Variants in FMNL2 observed in about 807,000 individuals in gnomAD.
FMNL2 encodes formin like 2.
FMNL2 carries 51 observed loss-of-function variants against 130.2 expected under a neutral mutation model. That is an observed-to-expected ratio of 0.39 (90% CI 0.31 to 0.49). The LOEUF (loss-of-function observed/expected upper bound fraction) is 0.49, where lower values mean the gene tolerates loss of function less well. Among genes scored for constraint, FMNL2 ranks in the 20% least tolerant of loss-of-function variants. The pLI is 0.85. For synonymous variants in FMNL2, 465 were observed against 467.1 expected (o/e 1.00, Z 0.06); for missense variants, 977 against 1,316.2 (o/e 0.74, Z 3.99).
chr2:152,370,489 C>T (rs1683814804), intron 1 of FMNL2, among the ~76,000 whole-genome samples: 2 of 152,124 alleles, frequency 1.3e-5, no homozygotes, highest in South Asian at 4.1e-4. Flanking sequence ...ATAATATGAG[C>T]TTTTATTACC....
At chr2:152,565,004 C>T (rs1278240557) in intron 6 of FMNL2, among the ~76,000 whole-genome samples, 2 of 151,974 alleles carry the variant, frequency 1.3e-5, no homozygotes, top group Non-Finnish European at 2.9e-5. Context: ...TTTGTATTGT[C>T]TTCTAAAATT....
At chr2:152,586,694 A>G (rs1024244967) in intron 9 of FMNL2, among the ~76,000 whole-genome samples, 10 of 152,214 alleles carry the variant, frequency 6.6e-5, no homozygotes, top group Non-Finnish European at 1.2e-4. Context: ...TCAGGCCAGA[A>G]TTAGATTGAT....
chr2:152,529,508 C>CT (rs1693576329), intron 2 of FMNL2, among the ~76,000 whole-genome samples: 1 of 152,168 alleles, frequency 6.6e-6, no homozygotes, highest in Admixed American at 6.5e-5. Context: ...AGTTTCTTTT[C>CT]ATTTCCTTCC....
intron 1 of FMNL2, among the ~76,000 whole-genome samples, chr2:152,493,911 G>A (rs569206876): frequency 1.3e-5 from 2 of 152,338 alleles, no homozygotes; most frequent in South Asian, 4.1e-4. Context: ...CAGTGTTTAG[G>A]ACCCTGTAAT....
At chr2:152,561,107 A>C in intron 6 of FMNL2, 72 bp downstream of exon 6, 1 of 1,457,694 alleles carries the variant, frequency 6.9e-7, no homozygotes, top group Non-Finnish European at 9.2e-7. Context: ...TCTTTTGATG[A>C]TTCTGGGCAC....
chr2:152,400,459 A>T (rs1402812112), intron 1 of FMNL2, among the ~76,000 whole-genome samples: 1 of 152,132 alleles, frequency 6.6e-6, no homozygotes, highest in East Asian at 1.9e-4. Context: ...AAAATAAAAA[A>T]AATAAAGAAT....
At chr2:152,618,028 G>C (rs1699044995) in intron 13 of FMNL2, among the ~76,000 whole-genome samples, 1 of 152,178 alleles carries the variant, frequency 6.6e-6, no homozygotes, top group Non-Finnish European at 1.5e-5. Context: ...AATAGACAGG[G>C]TGTGAAGAAT....
Position 152,574,891 on chromosome 2 carries a change from G to A in FMNL2, c.597-245G>A, listed in dbSNP as rs145617309. On this transcript the variant is annotated intron_variant, in intron 6 of 25. Transcript: ENST00000288670. Reference sequence around the variant, plus strand: ...GGCTGTGTGATTAGTTTTTAAAGTTGTACCAGTCTCTGAGACCTCCAAAAA... The same window carrying A: ...GGCTGTGTGATTAGTTTTTAAAGTTATACCAGTCTCTGAGACCTCCAAAAA... Among the ~76,000 whole-genome samples, 431 of 152,196 alleles carry A rather than the reference G, an allele frequency of 2.8e-3. 1 individual carries two copies. The highest frequency in any genetic ancestry group is 0.01 in the African/African-American group (422 of 41,534).
chr2:152,481,766 A>G (rs1444571747), intron 1 of FMNL2, among the ~76,000 whole-genome samples: 1 of 152,206 alleles, frequency 6.6e-6, no homozygotes, highest in Non-Finnish European at 1.5e-5. Flanking sequence ...TCTTCTAGGA[A>G]ATTGGTGTCA....
At position 152,455,122 on chromosome 2, in the gene FMNL2, A is replaced by G. The variant is rs16831144; in HGVS notation, c.118-66821A>G. Among the ~76,000 whole-genome samples, 394 of 152,194 alleles carry G rather than the reference A, an allele frequency of 2.6e-3. 1 individual carries two copies. The highest frequency in any genetic ancestry group is 9.1e-3 in the African/African-American group (376 of 41,504). On this transcript the variant is annotated intron_variant, in intron 1 of 25. Coordinates refer to ENST00000288670, the MANE Select transcript of FMNL2 (RefSeq NM_052905.4). ...AAATGAGCATCCCTGGAACTGGGAG[A>G]CAGCTCTTTCCTACAGAAGCTGAGA...
At chr2:152,469,944 A>G (rs1253084880) in intron 1 of FMNL2, among the ~76,000 whole-genome samples, 16 of 152,174 alleles carry the variant, frequency 1.1e-4, no homozygotes, top group Admixed American at 1.0e-3. Flanking sequence ...TTGAAATAGT[A>G]CATGAAACTG....
rs561035916 is a variant in FMNL2, at chr2:152,370,038, A to AT, written c.117+34322dup. 2.1e-3 allele frequency among the ~76,000 whole-genome samples: 320 copies of AT among 152,312 alleles called. 1 individual carries two copies. Among genetic ancestry groups the AT allele is most frequent in the Middle Eastern group, 3.4e-3 (1 of 294 alleles). ...CACTAAAAGTACAGGGATTTGACTT[A>AT]TTTTAACAAGAAAAAATTCTGATGA... is the stretch of plus-strand genomic sequence containing the variant. On this transcript the variant is annotated intron_variant, in intron 1 of 25. Transcript: ENST00000288670.
rs35114358 is a variant in FMNL2 at position 152,569,680 on chromosome 2, CA to C, written c.597-5439del. 2.3e-3 allele frequency among the ~76,000 whole-genome samples: 242 copies of C among 104,518 alleles called. 1 individual carries two copies. Among genetic ancestry groups the C allele is most frequent in the African/African-American group, 7.7e-3 (204 of 26,552 alleles). 68.6% of individuals were successfully genotyped at this position (104,518 alleles called of 152,430 possible). On this transcript the variant is annotated intron_variant, in intron 6 of 25. Transcript: ENST00000288670. ...TAGGTGACAAGGTGAGACCCTGTCTCAAAAAAAAAAAAAAAAAGGAAGTTAA... is the reference window on the plus strand; with the variant it reads ...TAGGTGACAAGGTGAGACCCTGTCTCAAAAAAAAAAAAAAAAGGAAGTTAA...
intron 1 of FMNL2, among the ~76,000 whole-genome samples, chr2:152,411,823 G>A (rs1470149857): frequency 6.6e-6 from 1 of 152,180 alleles, no homozygotes; most frequent in Non-Finnish European, 1.5e-5. Flanking sequence ...TTTATTGGGT[G>A]CCATGAGGTA....
chr2:152,465,366 G>T (rs778934657), intron 1 of FMNL2, among the ~76,000 whole-genome samples: 20 of 152,224 alleles, frequency 1.3e-4, no homozygotes, highest in Non-Finnish European at 2.1e-4. Context: ...GAGCAGGAAG[G>T]CTGACCAAGC....
rs911437605 is a variant in FMNL2, at chr2:152,648,401, G to A, written c.*496G>A. 1.3e-5 allele frequency: 2 copies of A among 153,978 alleles called. No individual in the cohort carries two copies. The highest frequency in any genetic ancestry group is 2.9e-5 in the Non-Finnish European group (2 of 69,056). 9.5% of individuals were successfully genotyped at this position (153,978 alleles called of 1,614,324 possible). The stretch of plus-strand genomic sequence containing the variant: ...TGAAACTCCTTTTGTCTATAACCAG[G>A]CCCTGGCAAAGTGCAAACAGGATGC... On this transcript the variant is annotated 3_prime_UTR_variant, in exon 26 of 26. Transcript: ENST00000288670.
rs1698423021 is a variant in FMNL2 at position 152,607,264 on chromosome 2, G to A, written c.877-75G>A. 3.4e-6 allele frequency: 4 copies of A among 1,185,768 alleles called. 1 individual carries two copies. The highest frequency in any genetic ancestry group is 3.9e-5 in the Admixed American group (2 of 51,918). 73.5% of individuals were successfully genotyped at this position (1,185,768 alleles called of 1,614,324 possible). ...TAGATATTCTGGAAATCATTATTAA[G>A]CTGAAATTTCTGCATCTAATTTTGG... On this transcript the variant is annotated intron_variant, in intron 9 of 25. Transcript: ENST00000288670.
At chr2:152,534,671 A>G (rs563107809) in intron 2 of FMNL2, among the ~76,000 whole-genome samples, 12 of 150,622 alleles carry the variant, frequency 8.0e-5, no homozygotes, top group Admixed American at 1.3e-4. Flanking sequence ...CTGAAAGATC[A>G]TCTGTACTTT....
rs75812768 is a variant in FMNL2 at position 152,455,917 on chromosome 2, G to A, written c.118-66026G>A. ...TTTTGTAGAGACGGGGTCTCACTAC[G>A]TTGCCCAGTGTGGTCTTTTAACTCC... is the stretch of plus-strand genomic sequence containing the variant. On this transcript the variant is annotated intron_variant, in intron 1 of 25. Coordinates refer to ENST00000288670, the MANE Select transcript of FMNL2 (RefSeq NM_052905.4). 3.7e-3 allele frequency among the ~76,000 whole-genome samples: 570 copies of A among 152,232 alleles called. 3 individuals are homozygous for A. The highest frequency in any genetic ancestry group is 0.013 in the African/African-American group (543 of 41,542).
Sources: gnomAD v4.1 joint callset for allele counts (sites outside exome capture counted in the v4.1 genomes callset) on GRCh38, gnomAD v4.1.1 for gene constraint, MANE v1.5 for transcripts, NCBI Gene and HGNC (gene_info 2026-07-23, HGNC 2026-07-21) for gene names.